The following EXOC5 variants were observed in gnomAD, a reference collection of about 807,000 sequenced individuals.
The protein encoded by EXOC5 is exocyst complex component 5, also known as SEC10-like 1.
A neutral mutation model predicts 90.8 loss-of-function variants in EXOC5; 17 were observed. The observed-to-expected ratio is 0.19, with a 90% CI of 0.13 to 0.28. The LOEUF is 0.28. EXOC5 is among the 10% of genes least tolerant of loss of function. EXOC5 has a pLI of 1.00. For synonymous variants in EXOC5, 260 were observed against 270.0 expected, an observed-to-expected ratio of 0.96 and a Z score of 0.36; for missense variants, 569 against 830.6, an observed-to-expected ratio of 0.69 and a Z score of 3.87.
intron 17 of EXOC5, 100 bp from the exon 18 acceptor site, chr14:57,208,897 G>A (rs2139604954): frequency 1.4e-6 from 1 of 709,032 alleles, no homozygotes; most frequent in East Asian, 2.7e-5. Context: ...GGACTTACTA[G>A]TGTGGGTGAA....
At chr14:57,264,650 C>T (rs1423653489) in intron 1 of EXOC5, among the ~76,000 whole-genome samples, 1 of 152,186 alleles carries the variant, frequency 6.6e-6, no homozygotes, top group East Asian at 1.9e-4. Context: ...GGGCCTACAA[C>T]CCTCCCTTTA....
rs1439459329 is a variant in EXOC5 at position 57,205,925 on chromosome 14, G to A, written c.*2684C>T. 8 of 456,078 alleles carry A rather than the reference G, an allele frequency of 1.8e-5. No individual in the cohort carries two copies. The Admixed American group carries it at 1.9e-4, about 11-fold the overall frequency. The allele number at this position is 456,078 out of a possible 1,614,324, so 28.3% of individuals were successfully genotyped here. A position where few individuals can be genotyped will look rare whatever the true frequency, so the allele number is the denominator to read the frequency against. On this transcript the variant is annotated 3_prime_UTR_variant, in exon 18 of 18. Transcript: ENST00000621441. Reference sequence around the variant, plus strand: ...ATGGTCAGGTGGTCATCCATCTAAAGATCCATCCAGCTACTATTTAATAAT... The same window carrying A: ...ATGGTCAGGTGGTCATCCATCTAAAAATCCATCCAGCTACTATTTAATAAT...
chr14:57,232,009 T>C lies in EXOC5; in HGVS notation c.939-294A>G, dbSNP rs550076959. 2.1e-3 allele frequency: 611 copies of C among 292,234 alleles called. 4 individuals carry two copies. The highest frequency in any genetic ancestry group is 0.013 in the African/African-American group (569 of 45,392). The allele number at this position is 292,234 out of a possible 1,614,324, so 18.1% of individuals were successfully genotyped here. The stretch of plus-strand genomic sequence containing the variant: ...GCGACAGTGGCAGATTGGCCTCAAG[T>C]ATGTCTAATGCCATTCATCACATGG... On this transcript the variant is annotated intron_variant, in intron 10 of 17. Coordinates refer to ENST00000621441, the MANE Select transcript of EXOC5 (RefSeq NM_006544.4).
chr14:57,260,556 T>C lies in EXOC5; in HGVS notation c.27+8066A>G, dbSNP rs147096167. Among the ~76,000 whole-genome samples the C allele has an allele frequency of 1.1e-4, 16 of 152,280 alleles. 1 individual carries two copies. In the East Asian group the frequency reaches 2.9e-3, roughly 28 times the overall value. Reference sequence around the variant, plus strand: ...AGCAAAATATTTTTCCAGGATAGAATATATCTCATTTCGAACAGTAAAGTT... The same window carrying C: ...AGCAAAATATTTTTCCAGGATAGAACATATCTCATTTCGAACAGTAAAGTT... On this transcript the variant is annotated intron_variant, in intron 1 of 17. Transcript: ENST00000621441.
intron 14 of EXOC5, 149 bp from the exon 15 acceptor site, chr14:57,218,217 A>G (rs1340170585): frequency 6.2e-6 from 3 of 482,234 alleles, no homozygotes; most frequent in East Asian, 3.5e-5. Flanking sequence ...CAAGAAGCAT[A>G]TAAGAAGCAA....
chr14:57,233,823 T>G lies in EXOC5; in HGVS notation c.775A>C (p.Lys259Gln). Reference sequence around the variant, plus strand: ...TTACTGAAGATATCTCCAACTTGTTTGTTCACTCTTTGACAGAGTATTCCA... The same window carrying G: ...TTACTGAAGATATCTCCAACTTGTTGGTTCACTCTTTGACAGAGTATTCCA... ...DAGILCQRVN[K>Q]QVGDIFSNPE... Residue 259 changes from lysine to glutamine, a missense_variant, in exon 9 of 18, where the codon AAA becomes CAA. This residue lies in a region of EXOC5 where 114 missense variants were observed against 111.2 expected (regional missense o/e 1.03). Transcript: ENST00000621441. 6.2e-7 allele frequency: 1 copy of G among 1,607,322 alleles called. No homozygotes were observed.
intron 1 of EXOC5, among the ~76,000 whole-genome samples, chr14:57,267,226 T>C (rs1258878327): frequency 2.0e-5 from 3 of 152,230 alleles, no homozygotes; most frequent in Non-Finnish European, 4.4e-5. Context: ...CAGAAATTAA[T>C]GTAGCATATC....
chr14:57,223,148 G>A (rs1185860000), intron 12 of EXOC5, among the ~76,000 whole-genome samples: 2 of 151,980 alleles, frequency 1.3e-5, no homozygotes, highest in Non-Finnish European at 2.9e-5. Context: ...AGCATAAAGT[G>A]TTTTTAGCAC....
chr14:57,239,506 T>C (rs568470457), intron 5 of EXOC5, 89 bp downstream of exon 5: 1 of 780,194 alleles, frequency 1.3e-6, no homozygotes, highest in Non-Finnish European at 2.1e-6. Flanking sequence ...GTTTAATTAA[T>C]GGGCAAAGAA....
In EXOC5 at chr14:57,238,407, CACAT is replaced by C. The variant is rs1403249364; in HGVS notation, c.531-1045_531-1042del. Among the ~76,000 whole-genome samples the C allele has an allele frequency of 1.8e-3, 269 of 148,748 alleles. 1 individual carries two copies. The highest frequency in any genetic ancestry group is 5.7e-3 in the African/African-American group (233 of 40,894). ...ACACACACACACACACACACACACACACATATTCATATTCATATATATATGTATA... is the reference window on the plus strand; with the variant it reads ...ACACACACACACACACACACACACACATTCATATTCATATATATATGTATA... On this transcript the variant is annotated intron_variant, in intron 5 of 17. Transcript: ENST00000621441.
intron 1 of EXOC5, among the ~76,000 whole-genome samples, chr14:57,257,002 A>C (rs1566506110): frequency 6.6e-6 from 1 of 152,212 alleles, no homozygotes; most frequent in Non-Finnish European, 1.5e-5. Context: ...AAACTGTCTC[A>C]AAGTCTGCTT....
chr14:57,205,965 C>T lies in EXOC5; in HGVS notation c.*2644G>A, dbSNP rs1346470871. ...TATTTAATAATTCTTCATAAGGACA[C>T]TTCATCTACTCTGGTTGACTGTCAT... On this transcript the variant is annotated 3_prime_UTR_variant, in exon 18 of 18. Coordinates refer to ENST00000621441, the MANE Select transcript of EXOC5 (RefSeq NM_006544.4). 1 of 456,096 alleles carries T rather than the reference C, an allele frequency of 2.2e-6. No individual in the cohort carries two copies. The highest frequency in any genetic ancestry group is 2.0e-5 in the African/African-American group (1 of 50,024). The allele number at this position is 456,096 out of a possible 1,614,324, so 28.3% of individuals were successfully genotyped here.
At chr14:57,246,988 C>G (rs1884050487) in intron 2 of EXOC5, 130 bp from the exon 3 acceptor site, 2 of 550,644 alleles carry the variant, frequency 3.6e-6, no homozygotes, top group Middle Eastern at 4.7e-4. Context: ...TTAATTTTTT[C>G]TATAGCATCT....
At chr14:57,209,391 TAAAA>T (rs938356317) in intron 17 of EXOC5, among the ~76,000 whole-genome samples, 172 bp downstream of exon 17, 1 of 150,584 alleles carries the variant, frequency 6.6e-6, no homozygotes, top group Non-Finnish European at 1.5e-5. Context: ...AAATTTAAAA[TAAAA>T]AAAAATAATA....
chr14:57,237,637 T>G (rs750571874), intron 5 of EXOC5: 8 of 316,302 alleles, frequency 2.5e-5, no homozygotes, highest in Non-Finnish European at 4.1e-5. Flanking sequence ...TTTAGGAAAT[T>G]CACATTGAAA....
intron 1 of EXOC5, among the ~76,000 whole-genome samples, chr14:57,257,392 G>A (rs952428313): frequency 8.5e-5 from 13 of 152,126 alleles, no homozygotes; most frequent in Admixed American, 6.6e-4. Context: ...TTTACTACAC[G>A]GAAGAAGCTG....
chr14:57,268,863 C>G lies in EXOC5; in HGVS notation c.-215G>C. On this transcript the variant is annotated 5_prime_UTR_variant, in exon 1 of 18. Coordinates refer to ENST00000621441, the MANE Select transcript of EXOC5 (RefSeq NM_006544.4). ...GTCAGCTGCCTCCCGGCGCCGCCCG[C>G]GCTGCTCCCATTGTCACCGCCTCAT... 1 of 1,286,512 alleles carries G rather than the reference C, an allele frequency of 7.8e-7. No individual in the cohort carries two copies. Among genetic ancestry groups the G allele is most frequent in the Non-Finnish European group, 1.0e-6 (1 of 980,248 alleles). The allele number at this position is 1,286,512 out of a possible 1,614,324, so 79.7% of individuals were successfully genotyped here. A position where few individuals can be genotyped will look rare whatever the true frequency, so the allele number is the denominator to read the frequency against.
intron 13 of EXOC5, among the ~76,000 whole-genome samples, chr14:57,221,084 T>A (rs1385375024): frequency 1.3e-5 from 2 of 152,166 alleles, no homozygotes; most frequent in African/African-American, 4.8e-5. Flanking sequence ...TAAGGATAAC[T>A]GGGCTGGGAG....
chr14:57,248,598 G>T (rs933884989), intron 1 of EXOC5, among the ~76,000 whole-genome samples: 3 of 151,986 alleles, frequency 2.0e-5, no homozygotes, highest in African/African-American at 7.2e-5. Flanking sequence ...ACCATCAACA[G>T]ATAATACATT....
Sources: gnomAD v4.1 joint callset for allele counts (sites outside exome capture counted in the v4.1 genomes callset) on GRCh38, gnomAD v4.1.1 for gene constraint, gnomAD v4.1.1 regional missense constraint, MANE v1.5 for transcripts, NCBI Gene and HGNC (gene_info 2026-07-23, HGNC 2026-07-21) for gene names.